Variants in FOXO3 observed in about 807,000 individuals in gnomAD.
FOXO3 encodes the protein forkhead box protein O3.
FOXO3 carries 4 observed loss-of-function variants against 41.9 expected under a neutral mutation model. The ratio of observed to expected loss-of-function variants is 0.10; its 90% confidence interval spans 0.05 to 0.22. The LOEUF (loss-of-function observed/expected upper bound fraction) is 0.22, where lower values mean the gene tolerates loss of function less well. FOXO3 is among the 10% of genes least tolerant of loss of function. The pLI is 1.00. For missense variants in FOXO3, 534 were observed against 906.8 expected (o/e 0.59, Z 5.28); for synonymous variants, 318 against 389.3 (o/e 0.82, Z 2.16).
intron 1 of FOXO3, among the ~76,000 whole-genome samples, chr6:108,637,235 A>G (rs1778143202): frequency 6.6e-6 from 1 of 152,190 alleles, no homozygotes; most frequent in Non-Finnish European, 1.5e-5. Context: ...ACCACTTGAA[A>G]AAATTGCGTT....
intron 2 of FOXO3, among the ~76,000 whole-genome samples, chr6:108,674,064 C>A (rs1329167892): frequency 1.3e-5 from 2 of 152,012 alleles, no homozygotes; most frequent in Non-Finnish European, 2.9e-5. Context: ...TAAAATCGTG[C>A]CTTGTATTGA....
At chr6:108,570,542 G>A (rs1182506483) in intron 1 of FOXO3, among the ~76,000 whole-genome samples, 1 of 151,868 alleles carries the variant, frequency 6.6e-6, no homozygotes, top group African/African-American at 2.4e-5. Flanking sequence ...TTGCCAGGTT[G>A]GTCTCAAACT....
At chr6:108,617,755 C>T (rs965372977) in intron 1 of FOXO3, among the ~76,000 whole-genome samples, 2 of 152,040 alleles carry the variant, frequency 1.3e-5, no homozygotes, top group African/African-American at 4.8e-5. Context: ...TTCCCCATCC[C>T]GTCTCCACTT....
intron 1 of FOXO3, among the ~76,000 whole-genome samples, chr6:108,644,588 C>G (rs745390170): frequency 3.3e-5 from 5 of 152,138 alleles, no homozygotes; most frequent in Non-Finnish European, 5.9e-5. Flanking sequence ...TCTGTTCTTT[C>G]TTTTGTCTGA....
chr6:108,571,886 CTTTATT>C (rs911611929), intron 1 of FOXO3, among the ~76,000 whole-genome samples: 1 of 152,164 alleles, frequency 6.6e-6, no homozygotes, highest in African/African-American at 2.4e-5. Context: ...AATAAAAAGA[CTTTATT>C]TAGATTCAAA....
At chr6:108,655,515 T>G (rs1281477599) in intron 1 of FOXO3, among the ~76,000 whole-genome samples, 1 of 152,194 alleles carries the variant, frequency 6.6e-6, no homozygotes, top group African/African-American at 2.4e-5. Context: ...AATTGCACAT[T>G]AGAATAATCT....
At chr6:108,642,704 G>A (rs920380073) in intron 1 of FOXO3, among the ~76,000 whole-genome samples, 18 of 152,158 alleles carry the variant, frequency 1.2e-4, no homozygotes, top group African/African-American at 3.9e-4. Flanking sequence ...GCTAGCAAAC[G>A]ACAGGAGATT....
At chr6:108,601,408 A>G (rs1777051155) in intron 1 of FOXO3, among the ~76,000 whole-genome samples, 1 of 152,004 alleles carries the variant, frequency 6.6e-6, no homozygotes, top group African/African-American at 2.4e-5. Flanking sequence ...GTTTCAAGTG[A>G]TTCTCCTGCC....
At chr6:108,574,616 G>C (rs1776211474) in intron 1 of FOXO3, among the ~76,000 whole-genome samples, 1 of 152,188 alleles carries the variant, frequency 6.6e-6, no homozygotes, top group Non-Finnish European at 1.5e-5. Context: ...TTTAAGAGCA[G>C]GCTGCCAAGA....
Position 108,561,553 on chromosome 6 carries a change from G to A in FOXO3, c.345G>A (p.Ala115=). 1 of 1,433,820 alleles carries A rather than the reference G, an allele frequency of 7.0e-7. No homozygotes were observed. Among genetic ancestry groups the A allele is most frequent in the Non-Finnish European group, 9.1e-7 (1 of 1,102,196 alleles). 88.8% of individuals were successfully genotyped at this position (1,433,820 alleles called of 1,614,324 possible). The change falls in exon 1 of 3, where the codon GCG becomes GCA. Residue 115 remains alanine, a synonymous_variant. Transcript: ENST00000406360. Reference sequence around the variant, plus strand: ...ACCCCGGGTCTGGGCCAGCCACCGCGGCGGGCGGGCTGAGCGGGGGTACAC... The same window carrying A: ...ACCCCGGGTCTGGGCCAGCCACCGCAGCGGGCGGGCTGAGCGGGGGTACAC... ...GQDPGSGPAT[A]AGGLSGGTQA...
chr6:108,611,812 G>A (rs1182065919), intron 1 of FOXO3, among the ~76,000 whole-genome samples: 4 of 151,492 alleles, frequency 2.6e-5, no homozygotes, highest in African/African-American at 9.7e-5. Context: ...CTTGTTTGTG[G>A]ATTGCTTATT....
chr6:108,593,200 A>G (rs1776777854), intron 1 of FOXO3, among the ~76,000 whole-genome samples: 1 of 152,028 alleles, frequency 6.6e-6, no homozygotes, highest in Non-Finnish European at 1.5e-5. Flanking sequence ...ATGTTCTTTT[A>G]TTTCCTAGTT....
chr6:108,658,635 G>T (rs563914520), intron 1 of FOXO3, among the ~76,000 whole-genome samples: 6 of 151,238 alleles, frequency 4.0e-5, no homozygotes, highest in African/African-American at 1.5e-4. Context: ...GTTGGCCAGC[G>T]TGGTCTCAAA....
At chr6:108,580,183 ATTTTTTTTTTT>A (rs11395032) in intron 1 of FOXO3, among the ~76,000 whole-genome samples, 2 of 93,072 alleles carry the variant, frequency 2.1e-5, no homozygotes, top group African/African-American at 4.2e-5. Flanking sequence ...GCTCTTCTTC[ATTTTTTTTTTT>A]TTTTTTTTTT....
intron 1 of FOXO3, among the ~76,000 whole-genome samples, chr6:108,629,715 A>T (rs867218086): frequency 6.6e-6 from 1 of 151,578 alleles, no homozygotes; most frequent in Admixed American, 6.6e-5. Flanking sequence ...AAAGGTATCT[A>T]CTTTGTATGT....
intron 1 of FOXO3, among the ~76,000 whole-genome samples, chr6:108,574,092 G>A (rs1205716766): frequency 1.3e-5 from 2 of 150,908 alleles, no homozygotes; most frequent in Non-Finnish European, 2.9e-5. Context: ...GGCGGAGGTT[G>A]CAGTGAGCTG....
chr6:108,577,420 A>AT (rs1776291888), intron 1 of FOXO3, among the ~76,000 whole-genome samples: 1 of 152,122 alleles, frequency 6.6e-6, no homozygotes, highest in Non-Finnish European at 1.5e-5. Flanking sequence ...CTGCTGTTCC[A>AT]TTTTTGTCTT....
rs895486717 is a variant in FOXO3, at chr6:108,662,529, C to T, written c.622-926C>T. On this transcript the variant is annotated intron_variant, in intron 1 of 2. Coordinates refer to ENST00000406360, the MANE Select transcript of FOXO3 (RefSeq NM_001455.4). ...AATCAACCTGGCAAATCCTGCTCTA[C>T]ACTTCTTATGTCTGCAAGAGTTACA... 7.2e-5 allele frequency among the ~76,000 whole-genome samples: 11 copies of T among 152,204 alleles called. No homozygotes were observed. The South Asian group carries it at 2.3e-3, about 31-fold the overall frequency.
At chr6:108,607,174 G>A (rs1777228396) in intron 1 of FOXO3, among the ~76,000 whole-genome samples, 2 of 152,126 alleles carry the variant, frequency 1.3e-5, no homozygotes, top group Non-Finnish European at 2.9e-5. Context: ...TATTTCAGCT[G>A]GGCGCAGTGG....
Sources: allele counts gnomAD v4.1 joint callset (sites outside exome capture counted in the v4.1 genomes callset), GRCh38; gene constraint gnomAD v4.1.1; transcripts MANE v1.5; gene names NCBI Gene and HGNC (gene_info 2026-07-23, HGNC 2026-07-21).